Variants in CAPS2 observed in about 807,000 individuals in gnomAD.
CAPS2 encodes the protein calcyphosine 2.
CAPS2 carries 98 observed loss-of-function variants against 86.5 expected under a neutral mutation model. That is an observed-to-expected ratio of 1.13 (90% confidence interval 0.96 to 1.34). CAPS2 has a LOEUF of 1.34. Among genes scored for constraint, CAPS2 ranks in the 40% most tolerant of loss-of-function variants. The probability of loss-of-function intolerance (pLI) is 0.00; values close to 1 mark genes in which losing one functional copy is unlikely to be tolerated. For missense variants in CAPS2, 729 were observed against 686.8 expected, an observed-to-expected ratio of 1.06 and a Z score of -0.69; for synonymous variants, 210 against 225.1, an observed-to-expected ratio of 0.93 and a Z score of 0.60.
chr12:75,347,493 AT>A, intron 1 of CAPS2: 1 of 430,334 alleles, frequency 2.3e-6, no homozygotes, highest in Non-Finnish European at 4.1e-6. Context: ...ATTAGAAAAA[AT>A]ATGTAACTAA....
intron 11 of CAPS2, among the ~76,000 whole-genome samples, chr12:75,296,117 G>C (rs1025851364): frequency 3.3e-5 from 5 of 152,046 alleles, no homozygotes; most frequent in African/African-American, 1.2e-4. Context: ...TTTTAGTTGA[G>C]GGAGGGTAAG....
intron 1 of CAPS2, among the ~76,000 whole-genome samples, chr12:75,377,540 A>C (rs1288611516): frequency 6.6e-6 from 1 of 152,070 alleles, no homozygotes; most frequent in African/African-American, 2.4e-5. Flanking sequence ...TAAATCCAAG[A>C]CTCCAAAAGC....
chr12:75,286,855 A>C (rs2034961710), intron 14 of CAPS2, among the ~76,000 whole-genome samples: 1 of 151,778 alleles, frequency 6.6e-6, no homozygotes, highest in African/African-American at 2.4e-5. Flanking sequence ...AAGCATGCTC[A>C]TATTTTCATA....
chr12:75,385,219 A>T (rs1239465115), intron 1 of CAPS2, among the ~76,000 whole-genome samples: 2 of 152,188 alleles, frequency 1.3e-5, no homozygotes, highest in Non-Finnish European at 2.9e-5. Context: ...ATTTTTCTTT[A>T]TAAATTACCC....
intron 1 of CAPS2, chr12:75,369,727 C>A (rs1342884368): frequency 1.0e-6 from 1 of 984,898 alleles, no homozygotes; most frequent in Non-Finnish European, 1.2e-6. Context: ...GACTTTTGTG[C>A]CTTCAACACT....
At chr12:75,313,252 G>A (rs180723648) in intron 6 of CAPS2, among the ~76,000 whole-genome samples, 3 of 152,250 alleles carry the variant, frequency 2.0e-5, no homozygotes, top group Admixed American at 2.0e-4. Flanking sequence ...CCCCTCAAGA[G>A]ATGTCCTGCA....
intron 7 of CAPS2, among the ~76,000 whole-genome samples, chr12:75,308,513 T>C (rs2038774770): frequency 6.6e-6 from 1 of 152,168 alleles, no homozygotes; most frequent in Non-Finnish European, 1.5e-5. Flanking sequence ...TTTCCTTGCT[T>C]TGCTTTTGTG....
At chr12:75,300,971 G>C (rs11831982) in intron 8 of CAPS2, among the ~76,000 whole-genome samples, 27,090 of 152,088 alleles carry the variant, frequency 0.18, 2,810 homozygotes, top group South Asian at 0.37. Flanking sequence ...GAGTGGGGAA[G>C]AGTGCTGAAT....
chr12:75,301,012 T>C (rs1311901843), intron 8 of CAPS2, among the ~76,000 whole-genome samples: 1 of 152,160 alleles, frequency 6.6e-6, no homozygotes, highest in East Asian at 1.9e-4. Flanking sequence ...GATCAATAGG[T>C]TATTTAATCT....
intron 15 of CAPS2, 28 bp from the exon 16 acceptor site, chr12:75,282,375 GT>G: frequency 7.1e-7 from 1 of 1,409,054 alleles, no homozygotes; most frequent in Non-Finnish European, 1.0e-6. Context: ...ATTATTATTA[GT>G]TTGTTGGTTG....
chr12:75,277,545 G>C (rs1018625863), exon 17 of CAPS2: 1 of 933,700 alleles, frequency 1.1e-6, no homozygotes, highest in Non-Finnish European at 1.3e-6. Context: ...AAAGAATTTA[G>C]CCAGTGAAAA....
At chr12:75,337,286 A>C (rs996911570) in intron 1 of CAPS2, among the ~76,000 whole-genome samples, 5 of 151,808 alleles carry the variant, frequency 3.3e-5, no homozygotes, top group African/African-American at 1.2e-4. Flanking sequence ...AAGTATGAGG[A>C]CTAAAATCAA....
At chr12:75,374,099 C>T (rs1593898398) in intron 1 of CAPS2, among the ~76,000 whole-genome samples, 1 of 152,296 alleles carries the variant, frequency 6.6e-6, no homozygotes, top group Admixed American at 6.5e-5. Flanking sequence ...TCCTAGGGGT[C>T]TCTACTGTGA....
rs564202583 is a variant in CAPS2, at chr12:75,308,842, G to T, written c.660-3966C>A. 9.5e-5 allele frequency among the ~76,000 whole-genome samples: 14 copies of T among 146,618 alleles called. No individual in the cohort carries two copies. In the East Asian group the frequency reaches 2.2e-3, roughly 23 times the overall value. On this transcript the variant is annotated intron_variant, in intron 7 of 16. Transcript: ENST00000393284. ...ATTAAAAAAAATGAGTAAGGCGCTT[G>T]CAGTGAGCCGAGATCACACCACTAC...
exon 17 of CAPS2, chr12:75,277,356 C>A (rs2033111611): frequency 1.0e-6 from 1 of 973,424 alleles, no homozygotes; most frequent in African/African-American, 1.8e-5. Flanking sequence ...TTGAGCACCC[C>A]CAGTATTAGT....
chr12:75,293,205 T>C (rs746397264), intron 12 of CAPS2, 44 bp downstream of exon 12: 44 of 1,050,008 alleles, frequency 4.2e-5, no homozygotes, highest in Non-Finnish European at 6.0e-5. Context: ...TTAAAAATAG[T>C]GTTTTCACCT....
At chr12:75,367,152 T>C in intron 1 of CAPS2, 3 of 624,430 alleles carry the variant, frequency 4.8e-6, no homozygotes, top group Non-Finnish European at 8.6e-6. Flanking sequence ...GGAAACCAAA[T>C]AGGGTACCCA....
intron 5 of CAPS2, among the ~76,000 whole-genome samples, chr12:75,317,577 C>A (rs1240912512): frequency 2.0e-5 from 3 of 152,106 alleles, no homozygotes; most frequent in African/African-American, 7.2e-5. Flanking sequence ...TCAAATTCAA[C>A]CTTCCAAAAT....
chr12:75,285,694 G>T (rs2138133608), intron 14 of CAPS2, among the ~76,000 whole-genome samples: 1 of 151,708 alleles, frequency 6.6e-6, no homozygotes, highest in South Asian at 2.1e-4. Context: ...TCTACCTATA[G>T]ATATATAGAT....
Sources: gnomAD v4.1 joint callset for allele counts (sites outside exome capture counted in the v4.1 genomes callset) on GRCh38, gnomAD v4.1.1 for gene constraint, MANE v1.5 for transcripts, NCBI Gene and HGNC (gene_info 2026-07-23, HGNC 2026-07-21) for gene names.